TENM3: variants seen among roughly 807,000 people sequenced by gnomAD.
The protein encoded by TENM3 is teneurin transmembrane protein 3, also known as teneurin-3.
TENM3 carries 63 observed loss-of-function variants against 255.1 expected under a neutral mutation model. That is an observed-to-expected ratio of 0.25 (90% CI 0.20 to 0.30). The LOEUF is 0.30. TENM3 is among the 10% of genes least tolerant of loss of function. The pLI is 1.00. For missense variants in TENM3, 2,929 were observed against 3,461.1 expected (o/e 0.85, Z 3.86); for synonymous variants, 1,306 against 1,322.3 (o/e 0.99, Z 0.27).
At chr4:182,745,549 G>A (rs1761943937) in intron 19 of TENM3, among the ~76,000 whole-genome samples, 1 of 151,816 alleles carries the variant, frequency 6.6e-6, no homozygotes, top group African/African-American at 2.4e-5. Context: ...ATCTGTTATT[G>A]CAGATCCACA....
chr4:181,604,153 T>C, the TENM3 span, among the ~76,000 whole-genome samples: 10 of 152,008 alleles, frequency 6.6e-5, no homozygotes, highest in Non-Finnish European at 1.0e-4. Flanking sequence ...TAGTCCCAGC[T>C]ACTCGGGAGG....
chr4:182,441,454 C>T (rs1006427267), intron 3 of TENM3, among the ~76,000 whole-genome samples: 4 of 152,192 alleles, frequency 2.6e-5, no homozygotes, highest in Non-Finnish European at 5.9e-5. Context: ...ATTGACCCAT[C>T]CATTCATCCA....
chr4:181,665,744 C>A, the TENM3 span, among the ~76,000 whole-genome samples: 1 of 152,066 alleles, frequency 6.6e-6, no homozygotes, highest in African/African-American at 2.4e-5. Context: ...CATTTAACAC[C>A]TGGAGACAAT....
intron 3 of TENM3, among the ~76,000 whole-genome samples, chr4:182,507,008 G>A (rs1349953335): frequency 6.6e-6 from 1 of 152,106 alleles, no homozygotes; most frequent in Non-Finnish European, 1.5e-5. Context: ...GATCCGTGAA[G>A]CCTCTTTTGA....
chr4:182,620,483 T>A (rs1157166503), intron 4 of TENM3, among the ~76,000 whole-genome samples: 1 of 152,168 alleles, frequency 6.6e-6, no homozygotes, highest in Non-Finnish European at 1.5e-5. Flanking sequence ...AGACCAAATA[T>A]TCTCTGCTAT....
At chr4:182,328,518 G>A (rs542994615) in intron 2 of TENM3, among the ~76,000 whole-genome samples, 19 of 149,244 alleles carry the variant, frequency 1.3e-4, no homozygotes, top group South Asian at 1.1e-3. Flanking sequence ...ACCCGGCCAG[G>A]ACTCTGTTTT....
chr4:182,505,670 G>A (rs1014641281), intron 3 of TENM3, among the ~76,000 whole-genome samples: 1 of 152,020 alleles, frequency 6.6e-6, no homozygotes, highest in Admixed American at 6.6e-5. Context: ...AGTAGAGACG[G>A]GGTTTCACCA....
the TENM3 span, among the ~76,000 whole-genome samples, chr4:182,114,421 G>T: frequency 1.5e-3 from 223 of 151,914 alleles, 2 homozygotes; most frequent in African/African-American, 5.1e-3. Context: ...TTTTATTTAT[G>T]TATTTATTTT....
At chr4:182,648,687 A>AGCT (rs1752979277) in intron 5 of TENM3, among the ~76,000 whole-genome samples, 1 of 151,828 alleles carries the variant, frequency 6.6e-6, no homozygotes, top group African/African-American at 2.4e-5. Context: ...TGTGAGCAGC[A>AGCT]CTCCAGAAAC....
the TENM3 span, among the ~76,000 whole-genome samples, chr4:181,704,813 C>T: frequency 9.6e-4 from 146 of 151,986 alleles, 1 homozygote; most frequent in African/African-American, 3.2e-3. Context: ...CGGGCAGATC[C>T]CCTGAGGTCA....
chr4:181,919,714 G>GA, the TENM3 span, among the ~76,000 whole-genome samples: 1 of 151,732 alleles, frequency 6.6e-6, no homozygotes, highest in African/African-American at 2.4e-5. Flanking sequence ...ATGAAATACA[G>GA]AAAAATTTTT....
chr4:181,709,546 G>A, the TENM3 span, among the ~76,000 whole-genome samples: 1 of 152,260 alleles, frequency 6.6e-6, no homozygotes, highest in Non-Finnish European at 1.5e-5. Context: ...TCCAGGCTGA[G>A]GGACTGCAAG....
chr4:181,542,741 C>T, the TENM3 span, among the ~76,000 whole-genome samples: 6,710 of 152,240 alleles, frequency 0.044, 226 homozygotes, highest in South Asian at 0.15. Flanking sequence ...CATTTAAGAG[C>T]GCATTCAAGG....
intron 3 of TENM3, among the ~76,000 whole-genome samples, chr4:182,479,978 G>T (rs1734039039): frequency 6.6e-6 from 1 of 151,866 alleles, no homozygotes. Flanking sequence ...AAAGACAAAA[G>T]TAAAGAATAG....
At chr4:182,449,011 G>C in intron 3 of TENM3, 1 of 389,876 alleles carries the variant, frequency 2.6e-6, no homozygotes, top group Non-Finnish European at 5.1e-6. Context: ...AACACGATAC[G>C]CTCCAGACCC....
intron 3 of TENM3, among the ~76,000 whole-genome samples, chr4:182,421,305 G>A (rs1174157311): frequency 1.3e-5 from 2 of 152,104 alleles, no homozygotes; most frequent in Admixed American, 6.6e-5. Flanking sequence ...AAGTAAGTGA[G>A]GGCTTAGAGA....
chr4:182,589,252 C>G (rs1006863220), intron 3 of TENM3, among the ~76,000 whole-genome samples: 1 of 151,738 alleles, frequency 6.6e-6, no homozygotes, highest in Non-Finnish European at 1.5e-5. Flanking sequence ...CTTTATCTTT[C>G]TGGTACTATC....
the TENM3 span, among the ~76,000 whole-genome samples, chr4:181,543,627 C>T: frequency 3.3e-5 from 5 of 152,220 alleles, no homozygotes; most frequent in Non-Finnish European, 7.3e-5. Flanking sequence ...CAGCCACCTG[C>T]TGGCCTACTG....
the TENM3 span, among the ~76,000 whole-genome samples, chr4:181,721,599 CAAAAAAAAAAAAA>C: frequency 2.7e-4 from 7 of 25,592 alleles, no homozygotes; most frequent in Non-Finnish European, 4.7e-4. Context: ...GACTCCGTCT[CAAAAAAAAAAAAA>C]AAAAAAAAAA....
Sources: gnomAD v4.1 joint callset for allele counts (sites outside exome capture counted in the v4.1 genomes callset) on GRCh38, gnomAD v4.1.1 for gene constraint, MANE v1.5 for transcripts, NCBI Gene and HGNC (gene_info 2026-07-23, HGNC 2026-07-21) for gene names.